TMEM132D: variants seen among roughly 807,000 people sequenced by gnomAD.
The protein encoded by TMEM132D is transmembrane protein 132D, also known as mature OL transmembrane protein.
A neutral mutation model predicts 62.3 loss-of-function variants in TMEM132D; 21 were observed. That is an observed-to-expected ratio of 0.34 (90% CI 0.24 to 0.49). The LOEUF is 0.49. Among genes scored for constraint, TMEM132D ranks in the 20% least tolerant of loss-of-function variants. The pLI is 0.99. For synonymous variants in TMEM132D, 621 were observed against 575.6 expected (o/e 1.08, Z -1.13); for missense variants, 1,346 against 1,402.8 (o/e 0.96, Z 0.65).
chr12:129,303,688 T>C (rs966838142), intron 4 of TMEM132D, among the ~76,000 whole-genome samples: 1 of 152,122 alleles, frequency 6.6e-6, no homozygotes, highest in African/African-American at 2.4e-5. Context: ...CACAGATGTG[T>C]ACGAGAAGAT....
intron 3 of TMEM132D, among the ~76,000 whole-genome samples, chr12:129,399,869 T>TTGTG (rs1483718322): frequency 6.6e-6 from 1 of 150,718 alleles, no homozygotes; most frequent in Non-Finnish European, 1.5e-5. Flanking sequence ...TTGGAAAGAG[T>TTGTG]TGTGTGTGTG....
intron 5 of TMEM132D, among the ~76,000 whole-genome samples, chr12:129,099,727 C>A (rs1875231400): frequency 1.3e-5 from 2 of 152,264 alleles, no homozygotes; most frequent in Non-Finnish European, 2.9e-5. Flanking sequence ...CATGTTCAGT[C>A]CCACCTTGGC....
intron 4 of TMEM132D, among the ~76,000 whole-genome samples, chr12:129,210,640 A>G (rs1879012410): frequency 1.3e-5 from 2 of 152,154 alleles, no homozygotes; most frequent in African/African-American, 4.8e-5. Flanking sequence ...ATAGTTATTT[A>G]ATCCCTTTAT....
At chr12:129,547,467 C>T (rs936909756) in intron 2 of TMEM132D, among the ~76,000 whole-genome samples, 7 of 152,128 alleles carry the variant, frequency 4.6e-5, no homozygotes, top group Admixed American at 2.0e-4. Flanking sequence ...GTGACCTCAT[C>T]TGAACCTAAT....
chr12:129,243,522 T>C (rs573963196), intron 4 of TMEM132D, among the ~76,000 whole-genome samples: 145 of 152,286 alleles, frequency 9.5e-4, no homozygotes, highest in Non-Finnish European at 1.7e-3. Context: ...TCTTTACACA[T>C]GCATGCAGCA....
intron 3 of TMEM132D, among the ~76,000 whole-genome samples, chr12:129,466,941 T>G (rs1162710562): frequency 1.3e-5 from 2 of 152,218 alleles, no homozygotes; most frequent in Non-Finnish European, 2.9e-5. Context: ...TGACCTACTC[T>G]GCACTGCTGT....
At position 129,811,568 on chromosome 12, in the gene TMEM132D, G is replaced by T. The variant is rs535746228; in HGVS notation, c.79+91693C>A. Among the ~76,000 whole-genome samples, 2 of 151,908 alleles carry T rather than the reference G, an allele frequency of 1.3e-5. 1 individual carries two copies. Among genetic ancestry groups the T allele is most frequent in the Non-Finnish European group, 2.9e-5 (2 of 67,982 alleles). On this transcript the variant is annotated intron_variant, in intron 1 of 8. Coordinates refer to ENST00000422113, the MANE Select transcript of TMEM132D (RefSeq NM_133448.3). ...CTCCTGACCAAATCCCAGGGCCTGT[G>T]CGTACAAAGATGCCACCTCTGTGAG... is the stretch of plus-strand genomic sequence containing the variant.
At chr12:129,419,900 G>T (rs574505230) in intron 3 of TMEM132D, among the ~76,000 whole-genome samples, 2 of 151,826 alleles carry the variant, frequency 1.3e-5, no homozygotes, top group African/African-American at 4.8e-5. Context: ...GTGGGAGGGG[G>T]TGGGTCACTT....
chr12:129,765,707 A>AC (rs1266732276), intron 1 of TMEM132D, among the ~76,000 whole-genome samples: 2 of 151,984 alleles, frequency 1.3e-5, no homozygotes, highest in African/African-American at 4.8e-5. Context: ...TTTCAATATC[A>AC]CCCATCTATA....
intron 2 of TMEM132D, among the ~76,000 whole-genome samples, chr12:129,535,770 TTG>T (rs112963742): frequency 8.1e-6 from 1 of 122,882 alleles, no homozygotes; most frequent in South Asian, 2.5e-4. Context: ...CATTTAAGAT[TTG>T]TGTGCGTGTG....
intron 4 of TMEM132D, among the ~76,000 whole-genome samples, chr12:129,256,153 C>T (rs948310247): frequency 1.3e-5 from 2 of 152,216 alleles, no homozygotes; most frequent in Non-Finnish European, 2.9e-5. Context: ...AATCTCAGCT[C>T]ACTGCAACCT....
At chr12:129,662,825 A>AG (rs1880277674) in intron 2 of TMEM132D, among the ~76,000 whole-genome samples, 4 of 148,744 alleles carry the variant, frequency 2.7e-5, no homozygotes, top group African/African-American at 9.8e-5. Context: ...AGAGAGAGAG[A>AG]AAGAAATATG....
intron 3 of TMEM132D, among the ~76,000 whole-genome samples, chr12:129,430,512 C>T (rs1872625715): frequency 1.3e-5 from 2 of 151,928 alleles, no homozygotes; most frequent in Non-Finnish European, 2.9e-5. Flanking sequence ...CGATGGGGTC[C>T]CACTGGTCTC....
chr12:129,553,373 C>A (rs1876955662), intron 2 of TMEM132D, among the ~76,000 whole-genome samples: 1 of 152,194 alleles, frequency 6.6e-6, no homozygotes, highest in Non-Finnish European at 1.5e-5. Flanking sequence ...TGTGCACTGA[C>A]AGGTCCATGG....
At chr12:129,382,472 C>CA (rs1870978774) in intron 3 of TMEM132D, among the ~76,000 whole-genome samples, 1 of 152,308 alleles carries the variant, frequency 6.6e-6, no homozygotes, top group East Asian at 1.9e-4. Context: ...GAGGATCCTC[C>CA]AGCAAGATGG....
chr12:129,873,100 G>A (rs1045596526), intron 1 of TMEM132D, among the ~76,000 whole-genome samples: 1 of 152,148 alleles, frequency 6.6e-6, no homozygotes, highest in African/African-American at 2.4e-5. Context: ...AAGAAAGGTA[G>A]GGAGACGCTA....
At chr12:129,081,073 T>C (rs750851746) in intron 7 of TMEM132D, among the ~76,000 whole-genome samples, 1 of 152,214 alleles carries the variant, frequency 6.6e-6, no homozygotes, top group Non-Finnish European at 1.5e-5. Context: ...TAGGTGACCA[T>C]GCTCAGTGGC....
chr12:129,816,639 A>G (rs540958548), intron 1 of TMEM132D, among the ~76,000 whole-genome samples: 1 of 152,296 alleles, frequency 6.6e-6, no homozygotes, highest in South Asian at 2.1e-4. Flanking sequence ...TAATTACGAG[A>G]TGAAATGGAA....
chr12:129,744,465 C>T (rs1266596299), intron 1 of TMEM132D, among the ~76,000 whole-genome samples: 1 of 152,118 alleles, frequency 6.6e-6, no homozygotes, highest in Admixed American at 6.6e-5. Flanking sequence ...CTTTGACAAA[C>T]ATATGCCTGT....
Sources: gnomAD v4.1 joint callset for allele counts (sites outside exome capture counted in the v4.1 genomes callset) on GRCh38, gnomAD v4.1.1 for gene constraint, MANE v1.5 for transcripts, NCBI Gene and HGNC (gene_info 2026-07-23, HGNC 2026-07-21) for gene names.